The following EPHA6 variants were observed in gnomAD, a reference collection of about 807,000 sequenced individuals.
The protein encoded by EPHA6 is ephrin type-A receptor 6.
EPHA6 carries 50 observed loss-of-function variants against 112.0 expected under a neutral mutation model. That is an observed-to-expected ratio of 0.45 (90% CI 0.36 to 0.56). The LOEUF is 0.56. EPHA6 is among the 20% of genes least tolerant of loss of function. The pLI is 0.00. For synonymous variants in EPHA6, 529 were observed against 490.7 expected (o/e 1.08, Z -1.03); for missense variants, 1,280 against 1,417.4 (o/e 0.90, Z 1.56).
chr3:97,253,156 T>C (rs1318333701), intron 5 of EPHA6, among the ~76,000 whole-genome samples: 1 of 152,232 alleles, frequency 6.6e-6, no homozygotes, highest in Non-Finnish European at 1.5e-5. Flanking sequence ...TTTCAAGAAC[T>C]GACTGCCTGA....
chr3:97,205,470 T>C (rs2077691130), intron 3 of EPHA6, among the ~76,000 whole-genome samples: 1 of 152,090 alleles, frequency 6.6e-6, no homozygotes, highest in Non-Finnish European at 1.5e-5. Flanking sequence ...CCTTGAACAA[T>C]ATGTGTTTGA....
At position 97,610,849 on chromosome 3, in the gene EPHA6, T is replaced by C. The variant is rs375990985; in HGVS notation, c.2569T>C (p.Leu857=). 1.2e-6 allele frequency: 2 copies of C among 1,610,576 alleles called. No homozygotes were observed. The highest frequency in any genetic ancestry group is 2.7e-5 in the African/African-American group (2 of 74,774). ...YMENGSLDSF[L]RKHDGHFTVI... ...GGAGAATGGATCCCTAGACTCCTTT[T>C]TGCGGGTGAGGTGTTCTTTTCTGAT... The change falls in exon 13 of 18, where the codon TTG becomes CTG. Residue 857 remains leucine, a synonymous_variant. Transcript: ENST00000389672.
chr3:97,085,951 A>ATATATATGTATATATATATATATG (rs1434635976), intron 3 of EPHA6, among the ~76,000 whole-genome samples: 1 of 145,888 alleles, frequency 6.9e-6, no homozygotes, highest in African/African-American at 2.7e-5. Flanking sequence ...ATATATATAC[A>ATATATATGTATATATATATATATG]CACTGAGATG....
chr3:97,696,999 C>A lies in EPHA6; in HGVS notation c.2785-23262C>A, dbSNP rs115269237. 4.7e-3 allele frequency among the ~76,000 whole-genome samples: 711 copies of A among 152,284 alleles called. 5 individuals carry two copies. The highest frequency in any genetic ancestry group is 0.016 in the African/African-American group (684 of 41,554). ...AAAATATGGTTGTTCATCATTAGAA[C>A]AGGTATTAATCAGTCAGTGCCTCAC... On this transcript the variant is annotated intron_variant, in intron 14 of 17. Coordinates refer to ENST00000389672, the MANE Select transcript of EPHA6 (RefSeq NM_001080448.3).
intron 11 of EPHA6, among the ~76,000 whole-genome samples, chr3:97,535,853 T>C (rs753809500): frequency 6.6e-6 from 1 of 152,160 alleles, no homozygotes; most frequent in Non-Finnish European, 1.5e-5. Flanking sequence ...CATTTTTTTT[T>C]ATCTCATATA....
intron 6 of EPHA6, among the ~76,000 whole-genome samples, chr3:97,443,102 G>A (rs768711255): frequency 2.6e-4 from 39 of 151,858 alleles, no homozygotes; most frequent in Admixed American, 6.6e-4. Context: ...GTTTATTTTT[G>A]TTTATTTTGA....
chr3:96,906,584 T>G (rs1313392366), intron 2 of EPHA6, among the ~76,000 whole-genome samples: 1 of 152,064 alleles, frequency 6.6e-6, no homozygotes, highest in African/African-American at 2.4e-5. Flanking sequence ...TTGTATCTTA[T>G]TTAGAATATA....
intron 3 of EPHA6, among the ~76,000 whole-genome samples, chr3:97,084,818 G>A (rs553150187): frequency 2.6e-5 from 4 of 152,008 alleles, no homozygotes; most frequent in South Asian, 2.1e-4. Flanking sequence ...TAAAATGGCC[G>A]TACTACCCAA....
rs1286519110 is a variant in EPHA6 at position 97,222,027 on chromosome 3, CAA to C, written c.1115-4223_1115-4222del. 1.6e-4 allele frequency among the ~76,000 whole-genome samples: 18 copies of C among 110,768 alleles called. No individual in the cohort carries two copies. In the South Asian group the frequency reaches 2.4e-3, roughly 15 times the overall value. The allele number at this position is 110,768 out of a possible 152,430, so 72.7% of individuals were successfully genotyped here. ...TGGACAACAGAGCCAGACCCCTTCT[CAA>C]AAAAAAAAAAAAACCAACCAACAAA... On this transcript the variant is annotated intron_variant, in intron 3 of 17. Coordinates refer to ENST00000389672, the MANE Select transcript of EPHA6 (RefSeq NM_001080448.3).
At chr3:97,338,354 G>A (rs190457798) in intron 5 of EPHA6, among the ~76,000 whole-genome samples, 210 of 152,166 alleles carry the variant, frequency 1.4e-3, no homozygotes, top group African/African-American at 4.8e-3. Context: ...TAAGCCCTTT[G>A]ATACCTGGGG....
chr3:96,858,133 G>A (rs2035803330), intron 1 of EPHA6, among the ~76,000 whole-genome samples: 1 of 152,080 alleles, frequency 6.6e-6, no homozygotes, highest in Non-Finnish European at 1.5e-5. Flanking sequence ...TAATTAACAA[G>A]AGAGACTCAA....
At chr3:97,583,139 T>C (rs1428911188) in intron 11 of EPHA6, among the ~76,000 whole-genome samples, 1 of 151,542 alleles carries the variant, frequency 6.6e-6, no homozygotes, top group Non-Finnish European at 1.5e-5. Flanking sequence ...TAGCACACTT[T>C]GGCTGCAGAG....
chr3:97,515,400 A>G (rs1023198536), intron 10 of EPHA6, among the ~76,000 whole-genome samples: 2 of 152,336 alleles, frequency 1.3e-5, no homozygotes, highest in East Asian at 1.9e-4. Context: ...TAGATAAAGG[A>G]AACTGAGATT....
chr3:97,026,737 A>ACCACC (rs1192536111), intron 3 of EPHA6, among the ~76,000 whole-genome samples: 1 of 152,184 alleles, frequency 6.6e-6, no homozygotes, highest in Non-Finnish European at 1.5e-5. Flanking sequence ...ACAAGGAGAT[A>ACCACC]CCACCTATCA....
At chr3:97,130,495 G>A (rs1243792776) in intron 3 of EPHA6, among the ~76,000 whole-genome samples, 1 of 151,880 alleles carries the variant, frequency 6.6e-6, no homozygotes, top group East Asian at 1.9e-4. Flanking sequence ...ATTTCTAGTT[G>A]ACACATTTTA....
intron 5 of EPHA6, among the ~76,000 whole-genome samples, chr3:97,289,216 C>A (rs546949112): frequency 1.8e-4 from 28 of 152,138 alleles, no homozygotes; most frequent in African/African-American, 6.7e-4. Context: ...AGTTTTAGGT[C>A]TTACGTTTAA....
intron 3 of EPHA6, among the ~76,000 whole-genome samples, chr3:97,161,661 C>T (rs548050946): frequency 6.6e-6 from 1 of 152,196 alleles, no homozygotes; most frequent in South Asian, 2.1e-4. Context: ...ACAACTTACC[C>T]TTCACCTTAG....
At chr3:97,565,309 A>G (rs868803857) in intron 11 of EPHA6, among the ~76,000 whole-genome samples, 2 of 152,140 alleles carry the variant, frequency 1.3e-5, no homozygotes, top group Middle Eastern at 3.2e-3. Context: ...CAGCCCTATT[A>G]TTACAGATGA....
intron 2 of EPHA6, among the ~76,000 whole-genome samples, chr3:96,979,647 A>G (rs1386537762): frequency 2.6e-5 from 4 of 152,148 alleles, no homozygotes; most frequent in Non-Finnish European, 4.4e-5. Context: ...CAATGGTTGA[A>G]CTAGTTTACA....
Sources: gnomAD v4.1 joint callset for allele counts (sites outside exome capture counted in the v4.1 genomes callset) on GRCh38, gnomAD v4.1.1 for gene constraint, MANE v1.5 for transcripts, NCBI Gene and HGNC (gene_info 2026-07-23, HGNC 2026-07-21) for gene names.